Variants in PLEKHA6 observed in about 807,000 individuals in gnomAD.
The protein encoded by PLEKHA6 is pleckstrin homology domain-containing family A member 6.
A neutral mutation model predicts 116.7 loss-of-function variants in PLEKHA6; 60 were observed. That is an observed-to-expected ratio of 0.51 (90% confidence interval 0.42 to 0.64). The LOEUF is 0.64. PLEKHA6 is among the 30% of genes least tolerant of loss of function. The pLI is 0.00. For synonymous variants in PLEKHA6, 489 were observed against 556.1 expected (o/e 0.88, Z 1.70); for missense variants, 1,338 against 1,422.7 (o/e 0.94, Z 0.96).
At chr1:204,366,737 G>A (rs1465836448) in intron 3 of PLEKHA6, among the ~76,000 whole-genome samples, 3 of 152,192 alleles carry the variant, frequency 2.0e-5, no homozygotes, top group Non-Finnish European at 4.4e-5. Context: ...CTCCAGCCTG[G>A]GTGACAGAGT....
In PLEKHA6 at chr1:204,257,213, A is replaced by G. The variant is rs567932532; in HGVS notation, c.1524+140T>C. On this transcript the variant is annotated intron_variant, in intron 9 of 22. Coordinates refer to ENST00000272203, the MANE Select transcript of PLEKHA6 (RefSeq NM_014935.5). This position sits in a 1 kb window ranked among gnomAD's most constrained non-coding sequence, Gnocchi z 6.5. The stretch of plus-strand genomic sequence containing the variant: ...CCACAGGCCAGGGGCTCCGCTGGGC[A>G]GCACTGCTGGTCCTGCAGACAAACG... 44 of 793,472 alleles carry G rather than the reference A, an allele frequency of 5.5e-5. No individual in the cohort carries two copies. The African/African-American group carries it at 7.4e-4, about 13-fold the overall frequency. 49.2% of individuals were successfully genotyped at this position (793,472 alleles called of 1,614,324 possible). A position where few individuals can be genotyped will look rare whatever the true frequency, so the allele number is the denominator to read the frequency against.
chr1:204,233,453 G>A (rs539762393), intron 17 of PLEKHA6, among the ~76,000 whole-genome samples: 9 of 151,002 alleles, frequency 6.0e-5, no homozygotes, highest in Admixed American at 5.3e-4. Context: ...CGATTCTCCT[G>A]CCTCAGTCTC....
chr1:204,298,482 C>A (rs751805887), intron 1 of PLEKHA6, among the ~76,000 whole-genome samples: 3 of 152,150 alleles, frequency 2.0e-5, no homozygotes, highest in South Asian at 2.1e-4. Flanking sequence ...GTCTTTTCTG[C>A]ACATGGAGAA....
At chr1:204,234,719 C>T (rs1661692132) in intron 17 of PLEKHA6, among the ~76,000 whole-genome samples, 1 of 151,730 alleles carries the variant, frequency 6.6e-6, no homozygotes, top group African/African-American at 2.4e-5. Flanking sequence ...ATCTGGTGGG[C>T]ACAATCTAAT....
intron 1 of PLEKHA6, among the ~76,000 whole-genome samples, chr1:204,316,036 T>C (rs1291629151): frequency 6.6e-6 from 1 of 152,156 alleles, no homozygotes; most frequent in African/African-American, 2.4e-5. Flanking sequence ...CATAACTAAA[T>C]GAAGCTGGAC....
chr1:204,356,584 T>TAATAATAA lies in PLEKHA6; in HGVS notation c.-95+3109_-95+3110insTTATTATT, dbSNP rs201831151. On this transcript the variant is annotated intron_variant, in intron 1 of 22. Coordinates refer to ENST00000272203, the MANE Select transcript of PLEKHA6 (RefSeq NM_014935.5). ...CCTGTCTCAAATAATAATAATAATATTAATAATAATAATAATGCTGTTAAA... is the reference window on the plus strand; with the variant it reads ...CCTGTCTCAAATAATAATAATAATATAATAATAATAATAATAATAATAATGCTGTTAAA... Among the ~76,000 whole-genome samples, 450 of 127,602 alleles carry TAATAATAA rather than the reference T, an allele frequency of 3.5e-3. 4 individuals carry two copies. The highest frequency in any genetic ancestry group is 0.013 in the African/African-American group (412 of 31,122). 83.7% of individuals were successfully genotyped at this position (127,602 alleles called of 152,430 possible). A position where few individuals can be genotyped will look rare whatever the true frequency, so the allele number is the denominator to read the frequency against.
intron 21 of PLEKHA6, among the ~76,000 whole-genome samples, chr1:204,227,857 A>C (rs981386837): frequency 6.6e-6 from 1 of 152,202 alleles, no homozygotes; most frequent in Non-Finnish European, 1.5e-5. Context: ...TGTAAGGATC[A>C]TCCCGGCTCT....
chr1:204,286,012 G>A (rs1363219664), intron 1 of PLEKHA6, among the ~76,000 whole-genome samples: 2 of 152,074 alleles, frequency 1.3e-5, no homozygotes, highest in Non-Finnish European at 2.9e-5. Context: ...CAGGGTAGAG[G>A]AAGTACCACC....
Position 204,261,460 on chromosome 1 carries a change from G to C in PLEKHA6, c.382-12C>G. 6.3e-7 allele frequency: 1 copy of C among 1,598,048 alleles called. No individual in the cohort carries two copies. Among genetic ancestry groups the C allele is most frequent in the East Asian group, 2.2e-5 (1 of 44,630 alleles). On this transcript the variant is annotated splice_polypyrimidine_tract_variant and intron_variant, in intron 6 of 22. Coordinates refer to ENST00000272203, the MANE Select transcript of PLEKHA6 (RefSeq NM_014935.5). The surrounding 1 kb of genome is among the most constrained non-coding windows in gnomAD (Gnocchi z 4.0). ...CCGGCATGCTCAGCCTGTGGGGAGAGGCAGCGTGTGGAGCTGGCCTCGGCC... is the reference window on the plus strand; with the variant it reads ...CCGGCATGCTCAGCCTGTGGGGAGACGCAGCGTGTGGAGCTGGCCTCGGCC...
At chr1:204,349,246 C>A (rs1673189335) in intron 1 of PLEKHA6, among the ~76,000 whole-genome samples, 1 of 152,152 alleles carries the variant, frequency 6.6e-6, no homozygotes, top group Non-Finnish European at 1.5e-5. Flanking sequence ...TATAAGAATC[C>A]TTGAGTTCTT....
In PLEKHA6 at chr1:204,259,751, C is replaced by A; in HGVS notation, c.525-11G>T. On this transcript the variant is annotated splice_polypyrimidine_tract_variant and intron_variant, in intron 7 of 22. Coordinates refer to ENST00000272203, the MANE Select transcript of PLEKHA6 (RefSeq NM_014935.5). The surrounding 1 kb of genome is among the most constrained non-coding windows in gnomAD (Gnocchi z 4.6). ...TCTGGCTTCTCATGGCTGCAGGATG[C>A]CAAGGGAGATGCTGTCAGTGACTCT... 1 of 1,599,696 alleles carries A rather than the reference C, an allele frequency of 6.3e-7. No homozygotes were observed. The highest frequency in any genetic ancestry group is 8.5e-7 in the Non-Finnish European group (1 of 1,172,296).
chr1:204,338,614 C>A (rs1025486220), intron 1 of PLEKHA6, among the ~76,000 whole-genome samples: 4 of 152,138 alleles, frequency 2.6e-5, no homozygotes, highest in South Asian at 2.1e-4. Context: ...ACCTAGCAAG[C>A]CAAGCCCATA....
chr1:204,363,794 G>A (rs576456409), upstream of PLEKHA6, among the ~76,000 whole-genome samples: 5 of 152,210 alleles, frequency 3.3e-5, 1 homozygote, highest in South Asian at 8.3e-4. Context: ...GACGCTGTGA[G>A]CAAACCCCCT....
chr1:204,274,542 T>C (rs1172851423), intron 2 of PLEKHA6, 187 bp downstream of exon 2: 1 of 944,872 alleles, frequency 1.1e-6, no homozygotes, highest in Non-Finnish European at 1.3e-6. Context: ...CTAGGAAAAG[T>C]GGATGAGGGT....
At chr1:204,322,676 C>A (rs1672107114) in intron 1 of PLEKHA6, among the ~76,000 whole-genome samples, 1 of 152,178 alleles carries the variant, frequency 6.6e-6, no homozygotes, top group Admixed American at 6.5e-5. Context: ...GATAATGGGC[C>A]TCCTGTGGTC....
chr1:204,372,949 C>A (rs892295435), intron 1 of PLEKHA6, among the ~76,000 whole-genome samples: 5 of 151,734 alleles, frequency 3.3e-5, no homozygotes, highest in Non-Finnish European at 7.4e-5. Context: ...ACTCTGCCAT[C>A]CAGACTGGAG....
chr1:204,285,796 C>T (rs1384094063), intron 1 of PLEKHA6, among the ~76,000 whole-genome samples: 1 of 152,226 alleles, frequency 6.6e-6, no homozygotes, highest in East Asian at 1.9e-4. Context: ...CATCCAGCAG[C>T]TTAAGGAGGC....
intron 9 of PLEKHA6, chr1:204,255,577 T>C (rs1665166005): frequency 4.3e-6 from 3 of 700,462 alleles, no homozygotes; most frequent in Admixed American, 2.0e-5. Flanking sequence ...AGTGGAGAGA[T>C]GCGACAGGAA....
In PLEKHA6 at chr1:204,259,208, T is replaced by C; in HGVS notation, c.1007+50A>G. On this transcript the variant is annotated intron_variant, in intron 8 of 22. Coordinates refer to ENST00000272203, the MANE Select transcript of PLEKHA6 (RefSeq NM_014935.5). This position sits in a 1 kb window ranked among gnomAD's most constrained non-coding sequence, Gnocchi z 4.6. ...GTGGGCTATGACCCCACTCGCACGCTCTAGCCATAATACCATATCAGCCCC... is the reference window on the plus strand; with the variant it reads ...GTGGGCTATGACCCCACTCGCACGCCCTAGCCATAATACCATATCAGCCCC... 6.3e-7 allele frequency: 1 copy of C among 1,585,878 alleles called. No individual in the cohort carries two copies. Among genetic ancestry groups the C allele is most frequent in the Non-Finnish European group, 8.6e-7 (1 of 1,167,450 alleles).
Sources: gnomAD v4.1 joint callset for allele counts (sites outside exome capture counted in the v4.1 genomes callset) on GRCh38, gnomAD v4.1.1 for gene constraint, Gnocchi (gnomAD v3.1) non-coding constraint, MANE v1.5 for transcripts, NCBI Gene and HGNC (gene_info 2026-07-23, HGNC 2026-07-21) for gene names.